CCSER1: variants seen among roughly 807,000 people sequenced by gnomAD.
CCSER1 encodes the protein coiled-coil serine rich protein 1.
In CCSER1, 41 loss-of-function variants were observed where a neutral mutation model predicts 82.0. The ratio of observed to expected loss-of-function variants is 0.50; its 90% CI spans 0.39 to 0.65. The LOEUF is 0.65. Among genes scored for constraint, CCSER1 ranks in the 30% least tolerant of loss-of-function variants. The pLI, the probability that CCSER1 is intolerant of heterozygous loss-of-function variation, is 0.00. For missense variants in CCSER1, 1,119 were observed against 1,064.2 expected (o/e 1.05, Z -0.72); for synonymous variants, 414 against 383.9 (o/e 1.08, Z -0.92).
intron 10 of CCSER1, among the ~76,000 whole-genome samples, chr4:91,183,979 G>A (rs35223253): frequency 0.36 from 54,739 of 152,058 alleles, 11,115 homozygotes; most frequent in Non-Finnish European, 0.46. Context: ...TGATCCCTAC[G>A]TATGGTTACT....
chr4:91,420,531 C>T (rs556080916), intron 10 of CCSER1, among the ~76,000 whole-genome samples: 1 of 152,012 alleles, frequency 6.6e-6, no homozygotes, highest in South Asian at 2.1e-4. Flanking sequence ...GTTAAAAAAA[C>T]AGGAGATAAC....
At chr4:90,721,009 C>A (rs1455314509) in intron 6 of CCSER1, among the ~76,000 whole-genome samples, 2 of 151,354 alleles carry the variant, frequency 1.3e-5, no homozygotes, top group Non-Finnish European at 1.5e-5. Context: ...AATAATTAGG[C>A]AAGTAGAAAG....
At chr4:91,184,689 C>T (rs1012610344) in intron 10 of CCSER1, among the ~76,000 whole-genome samples, 2 of 152,200 alleles carry the variant, frequency 1.3e-5, no homozygotes, top group South Asian at 2.1e-4. Flanking sequence ...GTTCTGGAGG[C>T]TTAACAATGG....
Position 90,611,059 on chromosome 4 carries a change from C to CTTTTTTTTTTTTTTTTTT in CCSER1, c.1725-16963_1725-16946dup. 9.2e-3 allele frequency among the ~76,000 whole-genome samples: 862 copies of CTTTTTTTTTTTTTTTTTT among 93,762 alleles called. 41 individuals carry two copies. Among genetic ancestry groups the CTTTTTTTTTTTTTTTTTT allele is most frequent in the African/African-American group, 0.017 (311 of 17,956 alleles). 61.5% of individuals were successfully genotyped at this position (93,762 alleles called of 152,430 possible). ...TGCCTGGCTAATTTTCTTTTCTTTT[C>CTTTTTTTTTTTTTTTTTT]TTTTTTTTTTTTTTTTTTTTGTAGA... is the stretch of plus-strand genomic sequence containing the variant. On this transcript the variant is annotated intron_variant, in intron 5 of 10. Coordinates refer to ENST00000509176, the MANE Select transcript of CCSER1 (RefSeq NM_001145065.2).
intron 5 of CCSER1, among the ~76,000 whole-genome samples, chr4:90,539,321 G>A (rs1428560033): frequency 2.6e-5 from 4 of 152,024 alleles, no homozygotes; most frequent in Non-Finnish European, 2.9e-5. Context: ...TCCTAAGGAA[G>A]ACAGGGATTC....
intron 4 of CCSER1, among the ~76,000 whole-genome samples, chr4:90,456,663 C>G (rs1306831261): frequency 6.6e-6 from 1 of 152,180 alleles, no homozygotes; most frequent in Non-Finnish European, 1.5e-5. Flanking sequence ...AGTGTCCTCC[C>G]CAGCAAGCCT....
intron 1 of CCSER1, among the ~76,000 whole-genome samples, chr4:90,134,632 C>T (rs1240175632): frequency 6.6e-6 from 1 of 152,172 alleles, no homozygotes; most frequent in Non-Finnish European, 1.5e-5. Context: ...TGCAGCTTAT[C>T]TTCTGGAAAG....
At chr4:90,153,009 A>G (rs1354398761) in intron 1 of CCSER1, among the ~76,000 whole-genome samples, 2 of 148,602 alleles carry the variant, frequency 1.3e-5, no homozygotes, top group South Asian at 2.2e-4. Context: ...AGCATTAGGT[A>G]TATCTCCTAA....
intron 7 of CCSER1, among the ~76,000 whole-genome samples, chr4:90,782,660 A>G (rs1007209296): frequency 1.2e-4 from 18 of 150,132 alleles, no homozygotes; most frequent in African/African-American, 4.2e-4. Flanking sequence ...AGTCAAGGAC[A>G]GGGATTTCTT....
intron 6 of CCSER1, among the ~76,000 whole-genome samples, chr4:90,644,542 G>C (rs9993730): frequency 0.017 from 2,558 of 152,008 alleles, 41 homozygotes; most frequent in African/African-American, 0.031. Context: ...CGTGTGCCAT[G>C]GTGGTTTACT....
chr4:90,350,741 G>A (rs940439489), intron 3 of CCSER1, among the ~76,000 whole-genome samples: 1 of 151,976 alleles, frequency 6.6e-6, no homozygotes, highest in Non-Finnish European at 1.5e-5. Flanking sequence ...ATTTCAAAGA[G>A]AAATTTTAAA....
chr4:90,306,604 T>C (rs932021695), intron 1 of CCSER1, among the ~76,000 whole-genome samples: 6 of 152,222 alleles, frequency 3.9e-5, no homozygotes, highest in African/African-American at 1.4e-4. Flanking sequence ...TGAATGCATA[T>C]CTGAAAGCAA....
At chr4:90,364,944 G>C (rs775393337) in intron 3 of CCSER1, among the ~76,000 whole-genome samples, 3 of 151,520 alleles carry the variant, frequency 2.0e-5, no homozygotes, top group Non-Finnish European at 3.0e-5. Context: ...AGTATTTCAT[G>C]GTGTGATAAA....
At chr4:90,945,432 G>T (rs1732120621) in intron 9 of CCSER1, among the ~76,000 whole-genome samples, 1 of 151,866 alleles carries the variant, frequency 6.6e-6, no homozygotes, top group Admixed American at 6.6e-5. Context: ...GAATATAATT[G>T]CCTTTCTCAA....
rs182337300 is a variant in CCSER1 at position 91,249,164 on chromosome 4, G to T, written c.2217+163170G>T. Among the ~76,000 whole-genome samples, 662 of 152,110 alleles carry T rather than the reference G, an allele frequency of 4.4e-3. 9 individuals carry two copies. Among genetic ancestry groups the T allele is most frequent in the Non-Finnish European group, 6.6e-3 (448 of 67,962 alleles). On this transcript the variant is annotated intron_variant, in intron 10 of 10. Coordinates refer to ENST00000509176, the MANE Select transcript of CCSER1 (RefSeq NM_001145065.2). ...TAAAATAAAACATCTGAAAATTCGG[G>T]GTGTAGTTTTATATTTTTTCTAAAA...
chr4:90,601,436 C>A (rs1193385524), intron 5 of CCSER1, among the ~76,000 whole-genome samples: 1 of 152,050 alleles, frequency 6.6e-6, no homozygotes, highest in Non-Finnish European at 1.5e-5. Context: ...CTTTTCTCTC[C>A]CTCCCCTCCG....
intron 1 of CCSER1, among the ~76,000 whole-genome samples, chr4:90,142,341 G>A (rs1724951021): frequency 6.6e-6 from 1 of 152,176 alleles, no homozygotes; most frequent in Non-Finnish European, 1.5e-5. Context: ...CCCTCCTGGG[G>A]AGTTTCTTTT....
intron 10 of CCSER1, among the ~76,000 whole-genome samples, chr4:91,287,584 C>G (rs1467742147): frequency 6.6e-6 from 1 of 151,958 alleles, no homozygotes; most frequent in African/African-American, 2.4e-5. Context: ...AAGGTTGCTT[C>G]AAACCTGAGT....
chr4:91,540,567 AG>A (rs751826022), intron 10 of CCSER1, among the ~76,000 whole-genome samples: 5 of 152,084 alleles, frequency 3.3e-5, no homozygotes, highest in Admixed American at 2.0e-4. Context: ...AATGAAGACT[AG>A]TTTATCAATT....
Sources: gnomAD v4.1 joint callset for allele counts (sites outside exome capture counted in the v4.1 genomes callset) on GRCh38, gnomAD v4.1.1 for gene constraint, MANE v1.5 for transcripts, NCBI Gene and HGNC (gene_info 2026-07-23, HGNC 2026-07-21) for gene names.